The following EIPR1 variants were observed in gnomAD, a reference collection of about 807,000 sequenced individuals.
EIPR1 encodes the protein EARP complex and GARP complex interacting protein 1.
Under a neutral mutation model 48.1 loss-of-function variants are expected in EIPR1, and 25 were observed. The ratio of observed to expected loss-of-function variants is 0.52; its 90% CI spans 0.38 to 0.73. EIPR1 has a LOEUF of 0.73. Ranked by LOEUF, EIPR1 falls within the 30% of genes least tolerant of loss-of-function variation. The probability of loss-of-function intolerance (pLI) is 0.00; values close to 1 mark genes in which losing one functional copy is unlikely to be tolerated. For missense variants in EIPR1, 415 were observed against 506.2 expected (o/e 0.82, Z 1.73); for synonymous variants, 204 against 201.9 (o/e 1.01, Z -0.09).
At chr2:3,295,307 A>C (rs1572407442) in intron 3 of EIPR1, among the ~76,000 whole-genome samples, 1 of 100,856 alleles carries the variant, frequency 9.9e-6, no homozygotes, top group African/African-American at 3.9e-5. Flanking sequence ...CTCCACACAC[A>C]CCCTCCATCC....
intron 3 of EIPR1, among the ~76,000 whole-genome samples, chr2:3,303,009 G>A (rs1355296893): frequency 6.6e-6 from 1 of 152,158 alleles, no homozygotes; most frequent in African/African-American, 2.4e-5. Context: ...CTCAAGAGTT[G>A]TGGAGATTAA....
chr2:3,253,833 T>C (rs557231517), intron 4 of EIPR1, among the ~76,000 whole-genome samples: 11 of 152,074 alleles, frequency 7.2e-5, no homozygotes, highest in Non-Finnish European at 1.6e-4. Flanking sequence ...AATTAGGACA[T>C]CAGATTGCTC....
intron 2 of EIPR1, among the ~76,000 whole-genome samples, chr2:3,339,776 C>T (rs952713455): frequency 1.3e-5 from 2 of 152,222 alleles, no homozygotes; most frequent in Admixed American, 6.5e-5. Context: ...CAGTGAAACC[C>T]CGTCTCTACT....
chr2:3,189,639 G>A lies in EIPR1; in HGVS notation c.990-131C>T, dbSNP rs1020911757. 1.1e-6 allele frequency: 1 copy of A among 880,230 alleles called. No homozygotes were observed. The highest frequency in any genetic ancestry group is 3.2e-5 in the Admixed American group (1 of 31,548). The allele number at this position is 880,230 out of a possible 1,614,324, so 54.5% of individuals were successfully genotyped here. On this transcript the variant is annotated intron_variant, in intron 8 of 8. Transcript: ENST00000382125. The surrounding 1 kb of genome is among the most constrained non-coding windows in gnomAD (Gnocchi z 4.6). The stretch of plus-strand genomic sequence containing the variant: ...GGGGCCTCAGCTTTCTCCGCTGTGG[G>A]ATGGGAAGAATTAGAGGAGCCCACA...
intron 2 of EIPR1, among the ~76,000 whole-genome samples, chr2:3,349,894 C>A (rs6711481): frequency 0.012 from 1,901 of 152,178 alleles, 34 homozygotes; most frequent in African/African-American, 0.044. Context: ...GAGGCCAAGG[C>A]GGGCAGATCA....
At chr2:3,199,660 G>A (rs1247104179) in intron 5 of EIPR1, among the ~76,000 whole-genome samples, 1 of 149,332 alleles carries the variant, frequency 6.7e-6, no homozygotes, top group Non-Finnish European at 1.5e-5. Context: ...TGGGGGGCGT[G>A]TCCACATCTG....
intron 3 of EIPR1, among the ~76,000 whole-genome samples, chr2:3,287,828 C>T (rs868485622): frequency 6.6e-6 from 1 of 150,586 alleles, no homozygotes; most frequent in Non-Finnish European, 1.5e-5. Flanking sequence ...CACCATGCTC[C>T]AGAAAGCTCA....
At chr2:3,260,577 A>C (rs1667304866) in intron 3 of EIPR1, among the ~76,000 whole-genome samples, 1 of 152,032 alleles carries the variant, frequency 6.6e-6, no homozygotes, top group African/African-American at 2.4e-5. Flanking sequence ...AGAAAACAAA[A>C]GAAAAGAAAA....
chr2:3,341,556 G>A (rs1464212396), intron 2 of EIPR1, among the ~76,000 whole-genome samples: 2 of 152,076 alleles, frequency 1.3e-5, no homozygotes, highest in East Asian at 3.9e-4. Flanking sequence ...TGTGTGGAGG[G>A]GGTGTGAGTG....
At chr2:3,283,902 C>T (rs542254391) in intron 3 of EIPR1, among the ~76,000 whole-genome samples, 6 of 145,766 alleles carry the variant, frequency 4.1e-5, no homozygotes, top group South Asian at 2.2e-4. Flanking sequence ...GCCAAGATTG[C>T]GCCATTGCAC....
Position 3,208,747 on chromosome 2 carries a change from G to A in EIPR1, c.516+5402C>T, listed in dbSNP as rs755302181. 44 of 1,545,072 alleles carry A rather than the reference G, an allele frequency of 2.8e-5. No individual in the cohort carries two copies. The East Asian group carries it at 3.4e-4, about 12-fold the overall frequency. On this transcript the variant is annotated intron_variant, in intron 5 of 8. Transcript: ENST00000382125. ...CGTGAGGCTCGTGGCGGGTCCTTCT[G>A]TGAGTGAGGCCCGTGGCGAGTCCTT...
intron 1 of EIPR1, among the ~76,000 whole-genome samples, chr2:3,362,452 T>G (rs1248274050): frequency 6.6e-6 from 1 of 152,082 alleles, no homozygotes; most frequent in Non-Finnish European, 1.5e-5. Flanking sequence ...TTTTCCTGAC[T>G]GAGTCCATGT....
chr2:3,221,995 T>TA lies in EIPR1; in HGVS notation c.417-7748_417-7747insT, dbSNP rs1665909948. On this transcript the variant is annotated intron_variant, in intron 4 of 8. Transcript: ENST00000382125. ...GTTTCCCAAATCCCCTCGCGGTTTT[T>TA]TTTTTGTTTGTTTCACAAGACACTT... Among the ~76,000 whole-genome samples the TA allele has an allele frequency of 2.0e-5, 3 of 151,926 alleles. 1 individual carries two copies. Among genetic ancestry groups the TA allele is most frequent in the Admixed American group, 6.5e-5 (1 of 15,276 alleles).
At chr2:3,249,600 C>T (rs1666943984) in intron 4 of EIPR1, among the ~76,000 whole-genome samples, 2 of 152,176 alleles carry the variant, frequency 1.3e-5, no homozygotes, top group African/African-American at 4.8e-5. Context: ...GGCTGTGGAG[C>T]AACCACTTAC....
intron 3 of EIPR1, among the ~76,000 whole-genome samples, chr2:3,291,852 G>C (rs369618820): frequency 2.6e-5 from 4 of 152,264 alleles, no homozygotes; most frequent in African/African-American, 9.6e-5. Flanking sequence ...GTTATGTAAA[G>C]GTAAGTTGGT....
chr2:3,363,974 C>T (rs762544938), intron 1 of EIPR1, among the ~76,000 whole-genome samples: 4 of 151,984 alleles, frequency 2.6e-5, no homozygotes, highest in Non-Finnish European at 5.9e-5. Flanking sequence ...TTCATTTCAC[C>T]CCAGATAGAA....
Position 3,358,505 on chromosome 2 carries a change from A to G in EIPR1, c.43-3872T>C, listed in dbSNP as rs367989652. ...GAAAATATCTGTGTGAGCCAATTCA[A>G]CTCTTCAAGATACATTTAAGGGTCC... On this transcript the variant is annotated intron_variant, in intron 1 of 8. Transcript: ENST00000382125. 1.4e-3 allele frequency among the ~76,000 whole-genome samples: 216 copies of G among 152,206 alleles called. 1 individual carries two copies. Among genetic ancestry groups the G allele is most frequent in the African/African-American group, 4.8e-3 (198 of 41,544 alleles).
intron 4 of EIPR1, among the ~76,000 whole-genome samples, chr2:3,220,501 G>C (rs1665843431): frequency 6.6e-6 from 1 of 152,110 alleles, no homozygotes; most frequent in Non-Finnish European, 1.5e-5. Context: ...GTACATTCTA[G>C]AGCATTTATA....
At chr2:3,348,317 T>A (rs1400809216) in intron 2 of EIPR1, among the ~76,000 whole-genome samples, 1 of 152,108 alleles carries the variant, frequency 6.6e-6, no homozygotes, top group Admixed American at 6.6e-5. Flanking sequence ...GTCCTCTCTG[T>A]CACCATGGCA....
Sources: allele counts gnomAD v4.1 joint callset (sites outside exome capture counted in the v4.1 genomes callset), GRCh38; gene constraint gnomAD v4.1.1; non-coding constraint Gnocchi (gnomAD v3.1); transcripts MANE v1.5; gene names NCBI Gene and HGNC (gene_info 2026-07-23, HGNC 2026-07-21).